The following GALM variants were observed in gnomAD, a reference collection of about 807,000 sequenced individuals.
The protein encoded by GALM is galactose mutarotase, also known as aldose 1-epimerase.
In GALM, 43 loss-of-function variants were observed where a neutral mutation model predicts 37.4. That is an observed-to-expected ratio of 1.15 (90% CI 0.90 to 1.48). The LOEUF is 1.48. GALM is among the 40% of genes most tolerant of loss of function. The pLI is 0.00. For missense variants in GALM, 456 were observed against 419.1 expected, an observed-to-expected ratio of 1.09 and a Z score of -0.77; for synonymous variants, 199 against 170.6, an observed-to-expected ratio of 1.17 and a Z score of -1.30.
At chr2:38,708,554 A>G (rs1052262141) in intron 4 of GALM, among the ~76,000 whole-genome samples, 1 of 152,074 alleles carries the variant, frequency 6.6e-6, no homozygotes, top group Non-Finnish European at 1.5e-5. Context: ...ATCCCAGCTA[A>G]CATGGTGAAA....
intron 2 of GALM, among the ~76,000 whole-genome samples, chr2:38,680,351 C>G (rs980156265): frequency 4.6e-5 from 7 of 152,060 alleles, no homozygotes; most frequent in Non-Finnish European, 7.4e-5. Flanking sequence ...ATAAACTCTT[C>G]TTCATACTTT....
rs373909526 is a variant in GALM at position 38,666,332 on chromosome 2, T to A, written c.171T>A (p.Leu57=). Residue 57 remains leucine (L), a synonymous_variant, in exon 1 of 7, where the codon CTT becomes CTA. Coordinates refer to ENST00000272252, the MANE Select transcript of GALM (RefSeq NM_138801.3). ...DRQGRASDVV[L]GFAELEGYLQ... is the part of the protein sequence containing the mutation. ...AGGGGAGAGCCTCGGACGTGGTGCT[T>A]GGCTTCGCCGAGTTGGAAGGTGGGT... is the stretch of plus-strand genomic sequence containing the variant. The A allele has an allele frequency of 5.6e-6, 9 of 1,612,380 alleles. No homozygotes were observed. In the African/African-American group the frequency reaches 1.2e-4, roughly 22 times the overall value.
intron 4 of GALM, among the ~76,000 whole-genome samples, chr2:38,692,566 C>T (rs1030583643): frequency 6.6e-6 from 1 of 152,144 alleles, no homozygotes; most frequent in Non-Finnish European, 1.5e-5. Flanking sequence ...TGACTCTTAA[C>T]ACTGATCAAA....
intron 2 of GALM, among the ~76,000 whole-genome samples, chr2:38,679,505 G>C (rs1477221517): frequency 1.3e-5 from 2 of 152,220 alleles, no homozygotes; most frequent in African/African-American, 4.8e-5. Context: ...GACCTACAAT[G>C]ATGGTCATTT....
chr2:38,726,135 C>G (rs1666480854), intron 4 of GALM, among the ~76,000 whole-genome samples: 1 of 152,166 alleles, frequency 6.6e-6, no homozygotes, highest in Admixed American at 6.5e-5. Flanking sequence ...TCTGCCAGAA[C>G]TGATCAGGGT....
intron 4 of GALM, among the ~76,000 whole-genome samples, chr2:38,693,881 T>G (rs1665740741): frequency 6.6e-6 from 1 of 152,164 alleles, no homozygotes; most frequent in Non-Finnish European, 1.5e-5. Flanking sequence ...TCTTACAATG[T>G]GGTTAGATGT....
chr2:38,705,579 G>A (rs561551483), intron 4 of GALM, among the ~76,000 whole-genome samples: 1 of 152,328 alleles, frequency 6.6e-6, no homozygotes, highest in Admixed American at 6.5e-5. Flanking sequence ...CTAGCCACAA[G>A]GAGAGTGAGA....
chr2:38,681,212 A>G, intron 2 of GALM, 68 bp from the exon 3 acceptor site: 1 of 1,177,244 alleles, frequency 8.5e-7, no homozygotes, highest in South Asian at 1.2e-5. Flanking sequence ...GTTGTCTTTA[A>G]ATATTGAAAT....
chr2:38,669,899 T>C (rs908036569), intron 1 of GALM, among the ~76,000 whole-genome samples: 7 of 90,748 alleles, frequency 7.7e-5, no homozygotes, highest in African/African-American at 5.6e-4. Context: ...GTTTTTCTTT[T>C]TTTTTTTTTT....
chr2:38,679,234 G>A (rs1025518803), intron 2 of GALM, among the ~76,000 whole-genome samples: 1 of 152,102 alleles, frequency 6.6e-6, no homozygotes, highest in African/African-American at 2.4e-5. Context: ...TGATCTGCCC[G>A]CCTTGGCCTC....
chr2:38,707,150 A>G (rs889456937), intron 4 of GALM, among the ~76,000 whole-genome samples: 4 of 151,870 alleles, frequency 2.6e-5, no homozygotes, highest in Admixed American at 1.3e-4. Flanking sequence ...TTGATCTTGA[A>G]ATATTTGAGG....
At chr2:38,715,797 C>A (rs1420173761) in intron 4 of GALM, among the ~76,000 whole-genome samples, 1 of 152,182 alleles carries the variant, frequency 6.6e-6, no homozygotes, top group Non-Finnish European at 1.5e-5. Flanking sequence ...TCCATAGTAA[C>A]AGCCATATTA....
At chr2:38,705,181 G>T (rs1329364735) in intron 4 of GALM, among the ~76,000 whole-genome samples, 2 of 152,160 alleles carry the variant, frequency 1.3e-5, no homozygotes, top group African/African-American at 4.8e-5. Context: ...CCTTCCTCCA[G>T]CCCAGGTCTG....
At chr2:38,676,655 C>T (rs1209505330) in intron 2 of GALM, among the ~76,000 whole-genome samples, 1 of 152,178 alleles carries the variant, frequency 6.6e-6, no homozygotes, top group African/African-American at 2.4e-5. Context: ...CCCAGCTACT[C>T]TGGAGGCTGA....
rs576534624 is a variant in GALM, at chr2:38,666,338, C to G, written c.177C>G (p.Phe59Leu). 5.6e-6 allele frequency: 9 copies of G among 1,611,576 alleles called. No homozygotes were observed. In the South Asian group the frequency reaches 9.9e-5, roughly 18 times the overall value. Residue 59 changes from phenylalanine (F) to leucine (L), a missense_variant, in exon 1 of 7, where the codon TTC becomes TTG. Physicochemically the swap from Phe to Leu is conservative, Grantham distance 22. Coordinates refer to ENST00000272252, the MANE Select transcript of GALM (RefSeq NM_138801.3). ...GAGCCTCGGACGTGGTGCTTGGCTT[C>G]GCCGAGTTGGAAGGTGGGTTGAACT... ...QGRASDVVLG[F>L]AELEGYLQKQ... is the part of the protein sequence containing the mutation.
chr2:38,698,551 A>G (rs535072477), intron 4 of GALM: 87 of 418,646 alleles, frequency 2.1e-4, no homozygotes, highest in South Asian at 1.7e-3. Flanking sequence ...CCCATAAAGC[A>G]TTTGCTGCTC....
chr2:38,725,730 GT>G (rs984887033), intron 4 of GALM, among the ~76,000 whole-genome samples: 1 of 151,224 alleles, frequency 6.6e-6, no homozygotes, highest in African/African-American at 2.4e-5. Flanking sequence ...GTTTTGTTTT[GT>G]TTTTTTGAGA....
At chr2:38,722,352 T>C (rs1666400496) in intron 4 of GALM, among the ~76,000 whole-genome samples, 2 of 152,138 alleles carry the variant, frequency 1.3e-5, no homozygotes, top group African/African-American at 2.4e-5. Flanking sequence ...TCTGTATTTA[T>C]GAAAACAACC....
In GALM at chr2:38,731,919, C is replaced by G. The variant is rs755566535; in HGVS notation, c.951+10C>G. ...TGATGCAGTCAATCAGGTAATGCCA[C>G]AGGCTGGCTTTTCAGAGTAGAGTTG... On this transcript the variant is annotated intron_variant, in intron 6 of 6. Coordinates refer to ENST00000272252, the MANE Select transcript of GALM (RefSeq NM_138801.3). The G allele has an allele frequency of 1.9e-6, 3 of 1,612,704 alleles. No individual in the cohort carries two copies. In the East Asian group the frequency reaches 6.7e-5, roughly 36 times the overall value.
Sources: gnomAD v4.1 joint callset for allele counts (sites outside exome capture counted in the v4.1 genomes callset) on GRCh38, gnomAD v4.1.1 for gene constraint, MANE v1.5 for transcripts, NCBI Gene and HGNC (gene_info 2026-07-23, HGNC 2026-07-21) for gene names.